Variants in NOL8 observed in about 807,000 individuals in gnomAD.
The protein encoded by NOL8 is nucleolar protein 8.
A neutral mutation model predicts 116.1 loss-of-function variants in NOL8; 93 were observed. The observed-to-expected ratio is 0.80, with a 90% CI of 0.68 to 0.95. The LOEUF (loss-of-function observed/expected upper bound fraction) is 0.95. Ranked by LOEUF, NOL8 falls within the 40% of genes least tolerant of loss-of-function variation. NOL8 has a pLI of 0.00. For missense variants in NOL8, 1,291 were observed against 1,382.8 expected (o/e 0.93, Z 1.05); for synonymous variants, 419 against 469.0 (o/e 0.89, Z 1.38).
In NOL8 at chr9:92,307,083, T is replaced by A. The variant is rs1451072539; in HGVS notation, c.2687-59A>T. On this transcript the variant is annotated intron_variant, in intron 10 of 16. Coordinates refer to ENST00000442668, the MANE Select transcript of NOL8 (RefSeq NM_017948.6). ...GAAAACACAGCCTGAGAAGTCTCAA[T>A]CATCAAATATTTACCAAGTACCTAA... 4.6e-6 allele frequency: 7 copies of A among 1,524,204 alleles called. No individual in the cohort carries two copies. The East Asian group carries it at 1.6e-4, about 34-fold the overall frequency. 94.4% of individuals were successfully genotyped at this position (1,524,204 alleles called of 1,614,324 possible). A position where few individuals can be genotyped will look rare whatever the true frequency, so the allele number is the denominator to read the frequency against.
intron 4 of NOL8, chr9:92,320,474 C>A (rs1450508275): frequency 4.8e-6 from 1 of 206,420 alleles, no homozygotes; most frequent in East Asian, 1.2e-4. Flanking sequence ...TAAGGCCAGT[C>A]CCCCAAAACA....
chr9:92,307,727 A>G (rs1427015634), intron 10 of NOL8, among the ~76,000 whole-genome samples: 1 of 152,228 alleles, frequency 6.6e-6, no homozygotes, highest in Non-Finnish European at 1.5e-5. Flanking sequence ...TAAGTACTCT[A>G]CAGGGATGCC....
At chr9:92,319,024 T>C (rs1040195118) in intron 5 of NOL8, 197 bp downstream of exon 5, 3 of 561,330 alleles carry the variant, frequency 5.3e-6, no homozygotes, top group Non-Finnish European at 8.7e-6. Flanking sequence ...GATTTCTTTC[T>C]CTGTAAAATG....
At chr9:92,321,442 A>G (rs955134823) in intron 4 of NOL8, among the ~76,000 whole-genome samples, 4 of 152,224 alleles carry the variant, frequency 2.6e-5, no homozygotes, top group Admixed American at 6.5e-5. Context: ...AAATAAGTAC[A>G]TATATACTTT....
chr9:92,315,177 C>A lies in NOL8; in HGVS notation c.1448G>T (p.Arg483Leu). The change falls in exon 7 of 17, where the codon CGT becomes CTT. Residue 483 changes from arginine to leucine, a missense_variant. By Grantham distance (102) the Arg-to-Leu change is moderately radical. Transcript: ENST00000442668. ...EYNAMMKNCL[R>L]VNLTLADLEQ... The stretch of plus-strand genomic sequence containing the variant: ...CAAATCAGCTAAAGTGAGATTCACA[C>A]GAAGGCAGTTTTTCATCATGGCATT... 2 of 1,613,986 alleles carry A rather than the reference C, an allele frequency of 1.2e-6. No individual in the cohort carries two copies. Among genetic ancestry groups the A allele is most frequent in the Non-Finnish European group, 1.7e-6 (2 of 1,179,894 alleles).
Position 92,314,663 on chromosome 9 carries a change from C to T in NOL8, c.1962G>A (p.Gln654=). The change falls in exon 7 of 17, where the codon CAG becomes CAA. Residue 654 remains glutamine, a synonymous_variant. Coordinates refer to ENST00000442668, the MANE Select transcript of NOL8 (RefSeq NM_017948.6). ...PQKRQTTFES[Q]DRKAVSPSSS... ...TGCTAGGGGACACTGCCTTGCGATC[C>T]TGGCTTTCAAAAGTGGTCTGTCTTT... 6.2e-7 allele frequency: 1 copy of T among 1,613,690 alleles called. No individual in the cohort carries two copies. The highest frequency in any genetic ancestry group is 8.5e-7 in the Non-Finnish European group (1 of 1,179,770).
At chr9:92,314,202 T>G in intron 7 of NOL8, 65 bp downstream of exon 7, 1 of 1,496,650 alleles carries the variant, frequency 6.7e-7, no homozygotes. Flanking sequence ...ACACCTAACT[T>G]CATGGGAAAG....
At position 92,315,858 on chromosome 9, in the gene NOL8, T is replaced by C; in HGVS notation, c.767A>G (p.Lys256Arg). The C allele has an allele frequency of 1.9e-6, 3 of 1,613,962 alleles. No homozygotes were observed. The highest frequency in any genetic ancestry group is 2.5e-6 in the Non-Finnish European group (3 of 1,179,884). Residue 256 changes from lysine to arginine, a missense_variant, in exon 7 of 17, where the codon AAA (lysine) becomes AGA (arginine). By Grantham distance (26) the Lys-to-Arg change is conservative. Transcript: ENST00000442668. ...PPLTQQQAAQKRTCDSITPSK... is the reference protein window; with the variant it reads ...PPLTQQQAAQRRTCDSITPSK... ...AGGAGTAATGGAATCACAAGTTCTTTTTTGTGCAGCCTGTTGCTGTGTTAA... is the reference window on the plus strand; with the variant it reads ...AGGAGTAATGGAATCACAAGTTCTTCTTTGTGCAGCCTGTTGCTGTGTTAA...
chr9:92,323,885 T>C (rs1390586206), intron 2 of NOL8, 138 bp downstream of exon 2: 2 of 914,518 alleles, frequency 2.2e-6, no homozygotes, highest in Non-Finnish European at 3.2e-6. Flanking sequence ...AAGTTCCACA[T>C]CACACATTAT....
Position 92,310,207 on chromosome 9 carries a change from G to C in NOL8, c.2650C>G (p.Arg884Gly), listed in dbSNP as rs768446740. 1.2e-6 allele frequency: 2 copies of C among 1,609,964 alleles called. No homozygotes were observed. Among genetic ancestry groups the C allele is most frequent in the South Asian group, 1.1e-5 (1 of 89,866 alleles). The stretch of plus-strand genomic sequence containing the variant: ...TCTTCACTGTCAGTTTCTAGAAATC[G>C]AGAGTCCATGCGGAATCTGTCATCG... ...GTDDRFRMDS[R>G]FLETDSEEEQ... Residue 884 changes from arginine to glycine, a missense_variant, in exon 10 of 17, where the codon CGA becomes GGA. By Grantham distance (125) the Arg-to-Gly change is moderately radical. Transcript: ENST00000442668.
intron 3 of NOL8, 65 bp from the exon 4 acceptor site, chr9:92,321,811 T>C: frequency 1.2e-6 from 1 of 835,858 alleles, no homozygotes; most frequent in Middle Eastern, 2.4e-4. Flanking sequence ...TTGTGCTTTT[T>C]CTAATTATTT....
At chr9:92,321,337 T>C (rs1047342465) in intron 4 of NOL8, among the ~76,000 whole-genome samples, 2 of 152,008 alleles carry the variant, frequency 1.3e-5, no homozygotes, top group Admixed American at 6.6e-5. Flanking sequence ...CTACTAACAA[T>C]TGTTATAAAG....
intron 5 of NOL8, 153 bp from the exon 6 acceptor site, chr9:92,318,839 A>G: frequency 1.8e-6 from 1 of 569,062 alleles, no homozygotes; most frequent in Non-Finnish European, 3.0e-6. Flanking sequence ...CCAAAGAGAA[A>G]AATTGTGAGA....
At chr9:92,301,479 C>A (rs1564203375) in intron 13 of NOL8, 72 bp downstream of exon 13, 10 of 1,177,562 alleles carry the variant, frequency 8.5e-6, no homozygotes, top group Non-Finnish European at 1.1e-5. Context: ...AAATCTGTTA[C>A]ACTTAATGCA....
chr9:92,308,462 G>GT (rs1383396713), intron 10 of NOL8, among the ~76,000 whole-genome samples: 1 of 152,182 alleles, frequency 6.6e-6, no homozygotes, highest in Non-Finnish European at 1.5e-5. Context: ...AGAAGAGCTG[G>GT]TTTGGACTTG....
At chr9:92,316,838 C>G (rs1271927462) in intron 6 of NOL8, among the ~76,000 whole-genome samples, 1 of 152,090 alleles carries the variant, frequency 6.6e-6, no homozygotes, top group Non-Finnish European at 1.5e-5. Flanking sequence ...CTTTACCAGG[C>G]CTATGTCGAC....
At chr9:92,323,850 C>A (rs575029708) in intron 2 of NOL8, among the ~76,000 whole-genome samples, 173 bp downstream of exon 2, 5 of 152,260 alleles carry the variant, frequency 3.3e-5, no homozygotes, top group East Asian at 1.9e-4. Flanking sequence ...GGAATTTTTT[C>A]TTATTTCAGA....
chr9:92,297,515 G>C lies in NOL8; in HGVS notation c.*321C>G, dbSNP rs774436531. On this transcript the variant is annotated 3_prime_UTR_variant, in exon 17 of 17. Coordinates refer to ENST00000442668, the MANE Select transcript of NOL8 (RefSeq NM_017948.6). ...TGCTTTGACTCATTTATTTAAAAAGGCTTCATATAAACCTTGCATGAGAAG... is the reference window on the plus strand; with the variant it reads ...TGCTTTGACTCATTTATTTAAAAAGCCTTCATATAAACCTTGCATGAGAAG... 1.3e-5 allele frequency: 3 copies of C among 223,402 alleles called. No homozygotes were observed. Among genetic ancestry groups the C allele is most frequent in the Non-Finnish European group, 1.7e-5 (2 of 115,776 alleles). 13.8% of individuals were successfully genotyped at this position (223,402 alleles called of 1,614,324 possible).
intron 7 of NOL8, among the ~76,000 whole-genome samples, chr9:92,311,535 G>A (rs543229022): frequency 2.0e-5 from 3 of 152,186 alleles, no homozygotes; most frequent in East Asian, 1.9e-4. Flanking sequence ...AGTGAAAAAT[G>A]GGCAAAGGAC....
Sources: gnomAD v4.1 joint callset for allele counts (sites outside exome capture counted in the v4.1 genomes callset) on GRCh38, gnomAD v4.1.1 for gene constraint, MANE v1.5 for transcripts, NCBI Gene and HGNC (gene_info 2026-07-23, HGNC 2026-07-21) for gene names.